The following NSL1 variants were observed in gnomAD, a reference collection of about 807,000 sequenced individuals.
The protein encoded by NSL1 is kinetochore-associated protein NSL1 homolog.
In NSL1, 11 loss-of-function variants were observed where a neutral mutation model predicts 25.4. The ratio of observed to expected loss-of-function variants is 0.43; its 90% confidence interval spans 0.27 to 0.72. The LOEUF is 0.72. Ranked by LOEUF, NSL1 falls within the 30% of genes least tolerant of loss-of-function variation. The pLI, the probability that NSL1 is intolerant of heterozygous loss-of-function variation, is 0.19. For missense variants in NSL1, 330 were observed against 342.7 expected (o/e 0.96, Z 0.29); for synonymous variants, 118 against 120.6 (o/e 0.98, Z 0.14).
chr1:212,782,873 C>T (rs545020149), intron 3 of NSL1, among the ~76,000 whole-genome samples: 4 of 152,204 alleles, frequency 2.6e-5, no homozygotes, highest in Non-Finnish European at 5.9e-5. Context: ...ATATATCCTG[C>T]GACACACTGA....
Position 212,787,574 on chromosome 1 carries a change from C to T in NSL1, c.298G>A (p.Asp100Asn). 1.2e-6 allele frequency: 2 copies of T among 1,604,218 alleles called. No homozygotes were observed. Among genetic ancestry groups the T allele is most frequent in the Non-Finnish European group, 1.7e-6 (2 of 1,176,006 alleles). Residue 100 changes from aspartate to asparagine, a missense_variant, in exon 2 of 6, where the codon GAT becomes AAT. Transcript: ENST00000366977. ...INGQAWQEAS[D>N]NCFMDSDIKV... The stretch of plus-strand genomic sequence containing the variant: ...AGTCACATACCCATAAAACAATTAT[C>T]TGAAGCTTCCTGCCATGCTTGCCCA...
intron 4 of NSL1, among the ~76,000 whole-genome samples, chr1:212,750,221 G>C (rs896542892): frequency 6.6e-6 from 1 of 151,942 alleles, no homozygotes. Flanking sequence ...AGGAGGGTGA[G>C]ATCAATCTAA....
Position 212,727,670 on chromosome 1 carries a change from CA to C in NSL1, c.*10737del. On this transcript the variant is annotated 3_prime_UTR_variant, in exon 6 of 6. Transcript: ENST00000366977. ...TACTATAATTATAATCCTGAACAAT[CA>C]GGACTGTTAGCTTCCCACGATGAAA... 1.0e-6 allele frequency: 1 copy of C among 985,326 alleles called. No individual in the cohort carries two copies. Among genetic ancestry groups the C allele is most frequent in the Non-Finnish European group, 1.2e-6 (1 of 829,860 alleles). The allele number at this position is 985,326 out of a possible 1,614,324, so 61.0% of individuals were successfully genotyped here.
chr1:212,790,102 C>T (rs1400474251), intron 1 of NSL1, among the ~76,000 whole-genome samples: 8 of 152,084 alleles, frequency 5.3e-5, no homozygotes, highest in Admixed American at 2.0e-4. Context: ...CAAGCTCCGC[C>T]TCCCGGGTTC....
At chr1:212,781,805 A>T (rs1660743545) in intron 4 of NSL1, 2 of 181,536 alleles carry the variant, frequency 1.1e-5, no homozygotes, top group South Asian at 2.1e-4. Context: ...CATAATCCAC[A>T]TTTTTAGCAA....
At chr1:212,788,647 A>G (rs1406661828) in intron 1 of NSL1, among the ~76,000 whole-genome samples, 2 of 152,228 alleles carry the variant, frequency 1.3e-5, no homozygotes, top group Admixed American at 6.5e-5. Context: ...TTTCACTTCT[A>G]GCAATGCATC....
intron 1 of NSL1, among the ~76,000 whole-genome samples, chr1:212,788,583 T>C (rs776084681): frequency 4.6e-5 from 7 of 152,236 alleles, no homozygotes; most frequent in Non-Finnish European, 7.3e-5. Context: ...CAAAATTTTT[T>C]TTAAATGATG....
At position 212,736,265 on chromosome 1, in the gene NSL1, C is replaced by G; in HGVS notation, c.*2143G>C. The G allele has an allele frequency of 1.2e-6, 1 of 825,776 alleles. No homozygotes were observed. The highest frequency in any genetic ancestry group is 1.5e-6 in the Non-Finnish European group (1 of 684,476). The allele number at this position is 825,776 out of a possible 1,614,324, so 51.2% of individuals were successfully genotyped here. On this transcript the variant is annotated 3_prime_UTR_variant, in exon 6 of 6. Coordinates refer to ENST00000366977, the MANE Select transcript of NSL1 (RefSeq NM_015471.4). ...GTTGCCCAGGCTGGGCTCAAGTAATCTGTCCACTTCAGCCTCCCAAAGTGC... is the reference window on the plus strand; with the variant it reads ...GTTGCCCAGGCTGGGCTCAAGTAATGTGTCCACTTCAGCCTCCCAAAGTGC...
rs1658259930 is a variant in NSL1 at position 212,737,096 on chromosome 1, C to G, written c.*1312G>C. ...TATGTTCAGAAACGCAGGGTGCTGA[C>G]CCACCATCCAACTGAAGCTGAGCTC... On this transcript the variant is annotated 3_prime_UTR_variant, in exon 6 of 6. Transcript: ENST00000366977. 4.1e-6 allele frequency: 4 copies of G among 985,296 alleles called. No individual in the cohort carries two copies. The Admixed American group carries it at 2.5e-4, about 61-fold the overall frequency. The allele number at this position is 985,296 out of a possible 1,614,324, so 61.0% of individuals were successfully genotyped here. A position where few individuals can be genotyped will look rare whatever the true frequency, so the allele number is the denominator to read the frequency against.
chr1:212,765,849 C>T (rs1300341254), intron 4 of NSL1, among the ~76,000 whole-genome samples: 2 of 151,308 alleles, frequency 1.3e-5, no homozygotes, highest in African/African-American at 4.9e-5. Flanking sequence ...TGATTAAAAA[C>T]CCTCGGGCTG....
At chr1:212,763,246 C>T (rs1659655019) in intron 4 of NSL1, among the ~76,000 whole-genome samples, 2 of 152,118 alleles carry the variant, frequency 1.3e-5, no homozygotes, top group African/African-American at 4.8e-5. Flanking sequence ...GGAACATTAT[C>T]CCAGGAGCCT....
chr1:212,727,072 G>C lies in NSL1; in HGVS notation c.*11336C>G. 6.7e-7 allele frequency: 1 copy of C among 1,498,706 alleles called. No individual in the cohort carries two copies. Among genetic ancestry groups the C allele is most frequent in the Non-Finnish European group, 8.9e-7 (1 of 1,123,240 alleles). The allele number at this position is 1,498,706 out of a possible 1,614,324, so 92.8% of individuals were successfully genotyped here. A position where few individuals can be genotyped will look rare whatever the true frequency, so the allele number is the denominator to read the frequency against. Reference sequence around the variant, plus strand: ...GGGAGGGCGGGCTCTGGGTCACCCAGCTTCATCCTCTTCATCTTGCCAGTT... The same window carrying C: ...GGGAGGGCGGGCTCTGGGTCACCCACCTTCATCCTCTTCATCTTGCCAGTT... On this transcript the variant is annotated 3_prime_UTR_variant, in exon 6 of 6. Coordinates refer to ENST00000366977, the MANE Select transcript of NSL1 (RefSeq NM_015471.4).
chr1:212,778,544 G>A (rs895253390), intron 4 of NSL1, among the ~76,000 whole-genome samples: 11 of 148,404 alleles, frequency 7.4e-5, no homozygotes, highest in East Asian at 2.0e-4. Flanking sequence ...GATTGCAGGC[G>A]CGCGCCGCCA....
intron 4 of NSL1, among the ~76,000 whole-genome samples, chr1:212,776,673 A>G (rs1231284195): frequency 6.6e-6 from 1 of 151,702 alleles, no homozygotes; most frequent in Non-Finnish European, 1.5e-5. Flanking sequence ...AATTCACTCA[A>G]CACAATGGAA....
At chr1:212,752,337 T>C (rs1659104484) in intron 4 of NSL1, among the ~76,000 whole-genome samples, 1 of 152,148 alleles carries the variant, frequency 6.6e-6, no homozygotes, top group African/African-American at 2.4e-5. Flanking sequence ...AGTGTAACTA[T>C]TTGTGAGTGG....
chr1:212,771,515 A>G (rs1660109850), intron 4 of NSL1, among the ~76,000 whole-genome samples: 1 of 151,916 alleles, frequency 6.6e-6, no homozygotes, highest in South Asian at 2.1e-4. Flanking sequence ...ATCAGGCAAG[A>G]GAAACAGAAG....
In NSL1 at chr1:212,738,617, G is replaced by T; in HGVS notation, c.637C>A (p.Leu213Ile). ...QVLRMQPVIH[L>I]QRIHQEVFSS... ...AAGACTTCTTGGTGAATCCTCTGGA[G>T]GTGGATAACAGGCTGCATCCTGAGA... The change falls in exon 6 of 6, where the codon CTC becomes ATC. Residue 213 changes from leucine (L) to isoleucine (I), a missense_variant. Leu to Ile is a conservative substitution (Grantham distance 5). Coordinates refer to ENST00000366977, the MANE Select transcript of NSL1 (RefSeq NM_015471.4). 1.2e-6 allele frequency: 2 copies of T among 1,614,114 alleles called. No individual in the cohort carries two copies. Among genetic ancestry groups the T allele is most frequent in the Non-Finnish European group, 1.7e-6 (2 of 1,179,986 alleles).
At chr1:212,777,694 G>A (rs1660437906) in intron 4 of NSL1, among the ~76,000 whole-genome samples, 1 of 152,120 alleles carries the variant, frequency 6.6e-6, no homozygotes, top group Non-Finnish European at 1.5e-5. Flanking sequence ...GGTAAGAGAG[G>A]GAGTGGAATG....
Position 212,784,406 on chromosome 1 carries a change from A to G in NSL1, c.401T>C (p.Leu134Pro), listed in dbSNP as rs1009437637. The G allele has an allele frequency of 6.3e-7, 1 of 1,597,618 alleles. No homozygotes were observed. ...TKRKQYPRKI[L>P]ECVIKTIKAK... is the part of the protein sequence containing the mutation. Reference sequence around the variant, plus strand: ...TTTTATGGTTTTGATGACACATTCCAGGATCTTTCTGGGATACTGCTTACG... The same window carrying G: ...TTTTATGGTTTTGATGACACATTCCGGGATCTTTCTGGGATACTGCTTACG... Residue 134 changes from leucine (L) to proline (P), a missense_variant, in exon 3 of 6, where the codon CTG (leucine) becomes CCG (proline). Physicochemically the swap from Leu to Pro is moderately conservative, Grantham distance 98. Transcript: ENST00000366977.
Sources: allele counts gnomAD v4.1 joint callset (sites outside exome capture counted in the v4.1 genomes callset), GRCh38; gene constraint gnomAD v4.1.1; transcripts MANE v1.5; gene names NCBI Gene and HGNC (gene_info 2026-07-23, HGNC 2026-07-21).